SNTB1: variants seen among roughly 807,000 people sequenced by gnomAD.
The protein encoded by SNTB1 is syntrophin beta 1, also known as beta-1-syntrophin.
In SNTB1, 36 loss-of-function variants were observed where a neutral mutation model predicts 48.9. The observed-to-expected ratio is 0.74, with a 90% CI of 0.56 to 0.97. The LOEUF (loss-of-function observed/expected upper bound fraction) is 0.97. Among genes scored for constraint, SNTB1 ranks in the 50% least tolerant of loss-of-function variants. The probability of loss-of-function intolerance (pLI) is 0.00; values close to 1 mark genes in which losing one functional copy is unlikely to be tolerated. For synonymous variants in SNTB1, 299 were observed against 294.6 expected, an observed-to-expected ratio of 1.01 and a Z score of -0.15; for missense variants, 786 against 703.4, an observed-to-expected ratio of 1.12 and a Z score of -1.33.
At chr8:120,752,834 G>A (rs965532450) in intron 1 of SNTB1, among the ~76,000 whole-genome samples, 10 of 151,940 alleles carry the variant, frequency 6.6e-5, no homozygotes, top group Admixed American at 2.0e-4. Flanking sequence ...GATGGAGGGT[G>A]GGAGGAGGGT....
intron 2 of SNTB1, among the ~76,000 whole-genome samples, chr8:120,685,020 T>C (rs1423604295): frequency 1.3e-5 from 2 of 152,208 alleles, no homozygotes; most frequent in Non-Finnish European, 2.9e-5. Context: ...CCAGACACAC[T>C]GGGATGGGGG....
chr8:120,593,909 G>A (rs962521044), intron 3 of SNTB1, among the ~76,000 whole-genome samples: 14 of 152,120 alleles, frequency 9.2e-5, no homozygotes, highest in African/African-American at 3.4e-4. Flanking sequence ...TCTTAAAATG[G>A]CATCAGGCAG....
At chr8:120,598,296 A>G (rs147904866) in intron 3 of SNTB1, among the ~76,000 whole-genome samples, 1 of 152,234 alleles carries the variant, frequency 6.6e-6, no homozygotes, top group Non-Finnish European at 1.5e-5. Context: ...TTTCCACATG[A>G]CTTCTTCATC....
At chr8:120,767,641 G>A (rs564543440) in intron 1 of SNTB1, among the ~76,000 whole-genome samples, 10 of 152,248 alleles carry the variant, frequency 6.6e-5, no homozygotes, top group Non-Finnish European at 1.3e-4. Flanking sequence ...AAATCACTTA[G>A]CCTCTTTGTT....
At chr8:120,782,282 C>T (rs1563600544) in intron 1 of SNTB1, among the ~76,000 whole-genome samples, 1 of 152,134 alleles carries the variant, frequency 6.6e-6, no homozygotes, top group East Asian at 1.9e-4. Context: ...CAAATGCAGT[C>T]ACCTTTTGAG....
At chr8:120,781,640 G>A (rs1297907935) in intron 1 of SNTB1, among the ~76,000 whole-genome samples, 1 of 152,148 alleles carries the variant, frequency 6.6e-6, no homozygotes, top group Non-Finnish European at 1.5e-5. Flanking sequence ...CTAGGTCTGT[G>A]TATTATACGT....
chr8:120,811,300 G>T lies in SNTB1; in HGVS notation c.544C>A (p.Arg182Ser). The change falls in exon 1 of 7, where the codon CGC becomes AGC. Residue 182 changes from arginine to serine, a missense_variant. By Grantham distance (110) the Arg-to-Ser change is moderately radical. Coordinates refer to ENST00000517992, the MANE Select transcript of SNTB1 (RefSeq NM_021021.4). The part of the protein sequence containing the change: ...THDEAVQALK[R>S]AGKEVLLEVK... Reference sequence around the variant, plus strand: ...TCCAGCAGCACTTCCTTGCCCGCGCGCTTCAACGCCTGCACCGCCTCGTCG... The same window carrying T: ...TCCAGCAGCACTTCCTTGCCCGCGCTCTTCAACGCCTGCACCGCCTCGTCG... The T allele has an allele frequency of 3.1e-6, 5 of 1,606,574 alleles. No homozygotes were observed. Among genetic ancestry groups the T allele is most frequent in the Non-Finnish European group, 4.2e-6 (5 of 1,179,182 alleles).
At chr8:120,756,306 A>G (rs1819316794) in intron 1 of SNTB1, among the ~76,000 whole-genome samples, 1 of 152,176 alleles carries the variant, frequency 6.6e-6, no homozygotes, top group Non-Finnish European at 1.5e-5. Flanking sequence ...TTACATCTGT[A>G]TCAATGCCTA....
At chr8:120,629,830 T>C (rs1816950346) in intron 3 of SNTB1, among the ~76,000 whole-genome samples, 1 of 152,306 alleles carries the variant, frequency 6.6e-6, no homozygotes, top group East Asian at 1.9e-4. Context: ...TCTGGAACGA[T>C]GATCTGAAAT....
In SNTB1 at chr8:120,693,812, C is replaced by T. The variant is rs772772455; in HGVS notation, c.668G>A (p.Gly223Glu). 4.4e-5 allele frequency: 71 copies of T among 1,613,974 alleles called. No individual in the cohort carries two copies. The highest frequency in any genetic ancestry group is 5.7e-5 in the Non-Finnish European group (67 of 1,180,012). ...TGACGGGGGGTCTGAGGTGCTGCCC[C>T]CTAACCGAGGGGATTCAGGCGGAGG... is the stretch of plus-strand genomic sequence containing the variant. ...ETPPPESPRL[G>E]GSTSDPPSSQ... The change falls in exon 2 of 7, where the codon GGG becomes GAG. Residue 223 changes from glycine to glutamate, a missense_variant. Physicochemically the swap from Gly to Glu is moderately conservative, Grantham distance 98. Coordinates refer to ENST00000517992, the MANE Select transcript of SNTB1 (RefSeq NM_021021.4).
At chr8:120,546,738 G>A (rs531719937) in intron 5 of SNTB1, among the ~76,000 whole-genome samples, 65 of 152,234 alleles carry the variant, frequency 4.3e-4, no homozygotes, top group African/African-American at 1.2e-3. Flanking sequence ...CCAAAGTGCT[G>A]GAATTACAGG....
At chr8:120,595,637 G>C (rs1433174245) in intron 3 of SNTB1, among the ~76,000 whole-genome samples, 1 of 151,622 alleles carries the variant, frequency 6.6e-6, no homozygotes, top group Middle Eastern at 3.2e-3. Flanking sequence ...AGGCTGGAGT[G>C]CAATGGCTCA....
intron 1 of SNTB1, among the ~76,000 whole-genome samples, chr8:120,743,140 A>C (rs1343867816): frequency 6.6e-6 from 1 of 152,174 alleles, no homozygotes; most frequent in Non-Finnish European, 1.5e-5. Flanking sequence ...TATAGAACAG[A>C]AATTCTTCTT....
Position 120,581,024 on chromosome 8 carries a change from G to C in SNTB1, c.997-5799C>G, listed in dbSNP as rs556561349. 2.0e-3 allele frequency among the ~76,000 whole-genome samples: 295 copies of C among 150,896 alleles called. 1 individual carries two copies. The highest frequency in any genetic ancestry group is 2.6e-3 in the Non-Finnish European group (174 of 67,846). On this transcript the variant is annotated intron_variant, in intron 3 of 6. Coordinates refer to ENST00000517992, the MANE Select transcript of SNTB1 (RefSeq NM_021021.4). ...GACTCATTTTAATCCAGGAGGTGGA[G>C]GTCACAGTGAGCTGAGATTGCACCA...
At chr8:120,722,824 A>G (rs559617213) in intron 1 of SNTB1, among the ~76,000 whole-genome samples, 1 of 152,256 alleles carries the variant, frequency 6.6e-6, no homozygotes, top group East Asian at 1.9e-4. Context: ...GCCCATGCCT[A>G]TGTCCTGAAT....
At chr8:120,763,934 T>A (rs1819471429) in intron 1 of SNTB1, among the ~76,000 whole-genome samples, 2 of 152,126 alleles carry the variant, frequency 1.3e-5, no homozygotes, top group Non-Finnish European at 2.9e-5. Context: ...ACCAAGTGTT[T>A]GGTCACACAA....
chr8:120,574,944 T>C (rs1587003075), intron 4 of SNTB1, 142 bp downstream of exon 4: 3 of 968,218 alleles, frequency 3.1e-6, no homozygotes, highest in East Asian at 5.2e-5. Flanking sequence ...TCTATGTGGC[T>C]AAAAATGTGT....
chr8:120,674,387 A>G (rs1333051029), intron 2 of SNTB1, among the ~76,000 whole-genome samples: 1 of 152,238 alleles, frequency 6.6e-6, no homozygotes, highest in African/African-American at 2.4e-5. Context: ...GAAGAGCAAA[A>G]GCAAACAAGG....
At chr8:120,544,038 G>A (rs568783067) in intron 5 of SNTB1, among the ~76,000 whole-genome samples, 7 of 150,584 alleles carry the variant, frequency 4.6e-5, no homozygotes, top group South Asian at 4.2e-4. Flanking sequence ...GGATCCTTCC[G>A]CCTCAGTCTC....
Sources: allele counts gnomAD v4.1 joint callset (sites outside exome capture counted in the v4.1 genomes callset), GRCh38; gene constraint gnomAD v4.1.1; transcripts MANE v1.5; gene names NCBI Gene and HGNC (gene_info 2026-07-23, HGNC 2026-07-21).